Variants in HSPG2 observed in about 807,000 individuals in gnomAD.
The protein encoded by HSPG2 is heparan sulfate proteoglycan 2, also known as basement membrane-specific heparan sulfate proteoglycan core protein.
Under a neutral mutation model 526.6 loss-of-function variants are expected in HSPG2, and 278 were observed. That is an observed-to-expected ratio of 0.53 (90% CI 0.48 to 0.58). The LOEUF (loss-of-function observed/expected upper bound fraction) is 0.58, where lower values mean the gene tolerates loss of function less well. Among genes scored for constraint, HSPG2 ranks in the 20% least tolerant of loss-of-function variants. The probability of loss-of-function intolerance (pLI) is 0.00; values close to 1 mark genes in which losing one functional copy is unlikely to be tolerated. For missense variants in HSPG2, 5,354 were observed against 6,099.5 expected, an observed-to-expected ratio of 0.88 and a Z score of 4.07; for synonymous variants, 2,465 against 2,555.4, an observed-to-expected ratio of 0.96 and a Z score of 1.07.
chr1:21,848,753 C>A lies in HSPG2; in HGVS notation c.7627G>T (p.Ala2543Ser), dbSNP rs1183975097. The A allele has an allele frequency of 6.2e-7, 1 of 1,613,958 alleles. No homozygotes were observed. Among genetic ancestry groups the A allele is most frequent in the Non-Finnish European group, 8.5e-7 (1 of 1,179,990 alleles). Residue 2543 changes from alanine to serine, a missense_variant, in exon 59 of 97, where the codon GCC (alanine) becomes TCC (serine). Coordinates refer to ENST00000374695, the MANE Select transcript of HSPG2 (RefSeq NM_005529.7). The surrounding 1 kb of genome is among the most constrained non-coding windows in gnomAD (Gnocchi z 4.9). ...AGGGTGTGTCCATTGGCCAGGGAGG[C>A]TGAGGAGGACTCGATGCGGACGGGG... The part of the protein sequence containing the change: ...AYPVRIESSS[A>S]SLANGHTLDL...
chr1:21,905,409 C>G (rs1053198015), intron 1 of HSPG2, among the ~76,000 whole-genome samples: 6 of 152,204 alleles, frequency 3.9e-5, no homozygotes, highest in Non-Finnish European at 8.8e-5. Flanking sequence ...CCACATATTC[C>G]ATCACTCGCT....
At chr1:21,856,737 C>G (rs1485985536) in intron 44 of HSPG2, among the ~76,000 whole-genome samples, 3 of 152,170 alleles carry the variant, frequency 2.0e-5, no homozygotes, top group African/African-American at 7.2e-5. Context: ...TTGTTTCTTG[C>G]TTTCTCATCA....
At position 21,852,646 on chromosome 1, in the gene HSPG2, C is replaced by T. The variant is rs1638991752; in HGVS notation, c.6724+54G>A. 3 of 1,609,766 alleles carry T rather than the reference C, an allele frequency of 1.9e-6. No homozygotes were observed. The Admixed American group carries it at 5.0e-5, about 27-fold the overall frequency. ...AAGAGGGGTCCCTTGGATCTCACCA[C>T]CCCGGAGGCCTCTCTGCCTCCTCCA... On this transcript the variant is annotated intron_variant, in intron 52 of 96. Transcript: ENST00000374695.
chr1:21,829,918 T>C, intron 86 of HSPG2, 75 bp downstream of exon 86: 1 of 1,236,498 alleles, frequency 8.1e-7, no homozygotes, highest in South Asian at 1.3e-5. Flanking sequence ...GGGCCCATCA[T>C]GGCCTCAGAG....
chr1:21,890,286 C>T lies in HSPG2; in HGVS notation c.413+141G>A. 7.9e-7 allele frequency: 1 copy of T among 1,263,384 alleles called. No homozygotes were observed. The highest frequency in any genetic ancestry group is 1.1e-6 in the Non-Finnish European group (1 of 870,154). 78.3% of individuals were successfully genotyped at this position (1,263,384 alleles called of 1,614,324 possible). A position where few individuals can be genotyped will look rare whatever the true frequency, so the allele number is the denominator to read the frequency against. On this transcript the variant is annotated intron_variant, in intron 5 of 96. Transcript: ENST00000374695. This position sits in a 1 kb window ranked among gnomAD's most constrained non-coding sequence, Gnocchi z 4.1. ...GGCAACTAAAGGTCCCAATGATCCC[C>T]CGACCAATTCCTGAATTTCCACCCA...
intron 42 of HSPG2, 44 bp from the exon 43 acceptor site, chr1:21,857,429 C>G: frequency 6.4e-7 from 1 of 1,564,670 alleles, no homozygotes; most frequent in Non-Finnish European, 8.8e-7. Flanking sequence ...GCTGGCTAGG[C>G]CCCGGTCCTG....
chr1:21,829,443 C>G lies in HSPG2; in HGVS notation c.11932G>C (p.Asp3978His). The G allele has an allele frequency of 6.2e-7, 1 of 1,613,386 alleles. No homozygotes were observed. The highest frequency in any genetic ancestry group is 8.5e-7 in the Non-Finnish European group (1 of 1,179,860). ...CCCACCATCGCCAGGGACACGAAGT[C>G]CTCCACAGGCCCGCTCTTCCCCCCG... Reference protein sequence around the residue: ...FSGGKSGPVEDFVSLAMVGGH... With the variant: ...FSGGKSGPVEHFVSLAMVGGH... The change falls in exon 87 of 97, where the codon GAC becomes CAC. Residue 3978 changes from aspartate (D) to histidine (H), a missense_variant. Physicochemically the swap from Asp to His is moderately conservative, Grantham distance 81. Coordinates refer to ENST00000374695, the MANE Select transcript of HSPG2 (RefSeq NM_005529.7).
chr1:21,848,136 C>T lies in HSPG2; in HGVS notation c.7738-43G>A. 1.3e-6 allele frequency: 2 copies of T among 1,548,316 alleles called. No homozygotes were observed. Among genetic ancestry groups the T allele is most frequent in the Non-Finnish European group, 1.7e-6 (2 of 1,148,660 alleles). On this transcript the variant is annotated intron_variant, in intron 59 of 96. Coordinates refer to ENST00000374695, the MANE Select transcript of HSPG2 (RefSeq NM_005529.7). The surrounding 1 kb of genome is among the most constrained non-coding windows in gnomAD (Gnocchi z 4.9). ...CAGGAGGTATGGCAGTAGGTGTGGGCAGCTCCTCCACATCTTGGGCACTGC... is the reference window on the plus strand; with the variant it reads ...CAGGAGGTATGGCAGTAGGTGTGGGTAGCTCCTCCACATCTTGGGCACTGC...
At chr1:21,907,264 G>C (rs979483887) in intron 1 of HSPG2, among the ~76,000 whole-genome samples, 1 of 152,202 alleles carries the variant, frequency 6.6e-6, no homozygotes, top group Admixed American at 6.5e-5. Context: ...CGGGGCAGGG[G>C]CTCACTCCCA....
chr1:21,921,524 C>T (rs1461958854), intron 1 of HSPG2, among the ~76,000 whole-genome samples: 3 of 152,176 alleles, frequency 2.0e-5, no homozygotes, highest in Admixed American at 6.5e-5. Context: ...GCCCCGCATA[C>T]CCCAGAGCAG....
At chr1:21,867,028 G>A (rs1192038379) in intron 33 of HSPG2, among the ~76,000 whole-genome samples, 3 of 150,808 alleles carry the variant, frequency 2.0e-5, no homozygotes, top group Admixed American at 2.0e-4. Flanking sequence ...AGTTGCAGGT[G>A]TGTACAGCAC....
In HSPG2 at chr1:21,831,033, C is replaced by T; in HGVS notation, c.11620G>A (p.Gly3874Ser). The stretch of plus-strand genomic sequence containing the variant: ...TGCTCACAGCGGCTCCCGGTGAAGC[C>T]AGCTGGGCAGACGCACACGTAGCTG... ...SSSYVCVCPA[G>S]FTGSRCEHSQ... is the part of the protein sequence containing the mutation. Residue 3874 changes from glycine to serine, a missense_variant, in exon 85 of 97, where the codon GGC becomes AGC. Gly to Ser is a moderately conservative substitution (Grantham distance 56). Coordinates refer to ENST00000374695, the MANE Select transcript of HSPG2 (RefSeq NM_005529.7). The T allele has an allele frequency of 1.3e-6, 2 of 1,591,966 alleles. No individual in the cohort carries two copies. Among genetic ancestry groups the T allele is most frequent in the Non-Finnish European group, 1.7e-6 (2 of 1,169,542 alleles).
In HSPG2 at chr1:21,864,251, G is replaced by A. The variant is rs1365467180; in HGVS notation, c.4627-38C>T. The stretch of plus-strand genomic sequence containing the variant: ...AGGAAGGTTGGCCTCTGTTCCCAAC[G>A]TGCCCCACCCACAGCCAGCAGACCC... On this transcript the variant is annotated intron_variant, in intron 36 of 96. Coordinates refer to ENST00000374695, the MANE Select transcript of HSPG2 (RefSeq NM_005529.7). The surrounding 1 kb of genome is among the most constrained non-coding windows in gnomAD (Gnocchi z 4.8). 6.7e-7 allele frequency: 1 copy of A among 1,503,728 alleles called. No individual in the cohort carries two copies. Among genetic ancestry groups the A allele is most frequent in the South Asian group, 1.2e-5 (1 of 83,042 alleles). 93.1% of individuals were successfully genotyped at this position (1,503,728 alleles called of 1,614,324 possible). A position where few individuals can be genotyped will look rare whatever the true frequency, so the allele number is the denominator to read the frequency against.
intron 39 of HSPG2, among the ~76,000 whole-genome samples, chr1:21,861,439 G>C (rs1639774720): frequency 6.6e-6 from 1 of 151,562 alleles, no homozygotes; most frequent in Non-Finnish European, 1.5e-5. Context: ...CTTGAGCCCA[G>C]GAGTTTAAGA....
chr1:21,844,232 C>T lies in HSPG2; in HGVS notation c.8532G>A (p.Leu2844=), dbSNP rs773511645. 25 of 1,613,700 alleles carry T rather than the reference C, an allele frequency of 1.5e-5. No homozygotes were observed. Among genetic ancestry groups the T allele is most frequent in the Non-Finnish European group, 2.0e-5 (24 of 1,180,036 alleles). ...GCCCGGGCACCACGCACTTCAGATC[C>T]AGGGTCTGCCCTTCTGCCACTCGGG... ...SSSRVAEGQT[L]DLKCVVPGQA... is the part of the protein sequence containing the mutation. The change falls in exon 65 of 97, where the codon CTG becomes CTA. Residue 2844 remains leucine, a synonymous_variant. Coordinates refer to ENST00000374695, the MANE Select transcript of HSPG2 (RefSeq NM_005529.7).
Position 21,872,080 on chromosome 1 carries a change from C to T in HSPG2, c.4221+106G>A. On this transcript the variant is annotated intron_variant, in intron 33 of 96. Coordinates refer to ENST00000374695, the MANE Select transcript of HSPG2 (RefSeq NM_005529.7). The surrounding 1 kb of genome is among the most constrained non-coding windows in gnomAD (Gnocchi z 5.5). Reference sequence around the variant, plus strand: ...GGGACTGCAAAAGCCACGTGCCTAACCACGATATGGCCATGCAGGTGGCAG... The same window carrying T: ...GGGACTGCAAAAGCCACGTGCCTAATCACGATATGGCCATGCAGGTGGCAG... 7.8e-7 allele frequency: 1 copy of T among 1,274,494 alleles called. No homozygotes were observed. The highest frequency in any genetic ancestry group is 1.1e-6 in the Non-Finnish European group (1 of 898,284). 78.9% of individuals were successfully genotyped at this position (1,274,494 alleles called of 1,614,324 possible).
rs1469146756 is a variant in HSPG2, at chr1:21,829,994, T to G, written c.11769A>C (p.Glu3923Asp). The change falls in exon 86 of 97, where the codon GAA (glutamate) becomes GAC (aspartate). Residue 3923 changes from glutamate (E) to aspartate (D), a missense_variant and splice_region_variant. By Grantham distance (45) the Glu-to-Asp change is conservative. Coordinates refer to ENST00000374695, the MANE Select transcript of HSPG2 (RefSeq NM_005529.7). ...GGTCTCAGGCCTGGCTCCCCTCACC[T>G]TCCTCACACCGCAACCCCGAGCGGC... ...HLGRSGLRCEEGVTVTTPSLS... is the reference protein window; with the variant it reads ...HLGRSGLRCEDGVTVTTPSLS... 6.2e-7 allele frequency: 1 copy of G among 1,606,216 alleles called. No homozygotes were observed. The highest frequency in any genetic ancestry group is 1.3e-5 in the African/African-American group (1 of 74,824).
intron 6 of HSPG2, among the ~76,000 whole-genome samples, chr1:21,888,927 T>C (rs1162957878): frequency 4.6e-5 from 7 of 152,096 alleles, no homozygotes; most frequent in Non-Finnish European, 1.0e-4. Context: ...GGGTTTTTGT[T>C]TGTTTGTCTT....
Position 21,865,011 on chromosome 1 carries a change from G to A in HSPG2, c.4458C>T (p.Ala1486=), listed in dbSNP as rs530009689. ...ATREHLLMAL[A]DLDELLIRAT... ...CCCGGATCAGGAGCTCATCCAGGTC[G>A]GCCAGTGCCATCAGGAGGTGCTCGC... The change falls in exon 36 of 97, where the codon GCC becomes GCT. Residue 1486 remains alanine, a synonymous_variant. Transcript: ENST00000374695. The surrounding 1 kb of genome is among the most constrained non-coding windows in gnomAD (Gnocchi z 5.4). 54 of 1,578,678 alleles carry A rather than the reference G, an allele frequency of 3.4e-5. No homozygotes were observed. The African/African-American group carries it at 5.0e-4, about 15-fold the overall frequency.
Sources: gnomAD v4.1 joint callset for allele counts (sites outside exome capture counted in the v4.1 genomes callset) on GRCh38, gnomAD v4.1.1 for gene constraint, Gnocchi (gnomAD v3.1) non-coding constraint, MANE v1.5 for transcripts, NCBI Gene and HGNC (gene_info 2026-07-23, HGNC 2026-07-21) for gene names.